LCP1: variants seen among roughly 807,000 people sequenced by gnomAD.
LCP1 encodes plastin-2.
In LCP1, 23 loss-of-function variants were observed where a neutral mutation model predicts 72.0. The observed-to-expected ratio is 0.32, with a 90% CI of 0.23 to 0.45. The LOEUF is 0.45. LCP1 is among the 20% of genes least tolerant of loss of function. The pLI is 1.00. For synonymous variants in LCP1, 245 were observed against 275.4 expected, an observed-to-expected ratio of 0.89 and a Z score of 1.09; for missense variants, 571 against 748.3, an observed-to-expected ratio of 0.76 and a Z score of 2.76.
At chr13:46,161,127 G>C (rs1390371168) in intron 1 of LCP1, among the ~76,000 whole-genome samples, 3 of 151,988 alleles carry the variant, frequency 2.0e-5, no homozygotes, top group African/African-American at 7.3e-5. Context: ...GTTCCACCAA[G>C]CAACCCTTTG....
rs1347541881 is a variant in LCP1, at chr13:46,139,515, T to C, written c.1502+2777A>G. 2.6e-5 allele frequency among the ~76,000 whole-genome samples: 4 copies of C among 152,332 alleles called. No homozygotes were observed. In the South Asian group the frequency reaches 6.2e-4, roughly 24 times the overall value. On this transcript the variant is annotated intron_variant, in intron 13 of 15. Coordinates refer to ENST00000323076, the MANE Select transcript of LCP1 (RefSeq NM_002298.5). ...TTTGCCATTATCTTTCCAGACAGAA[T>C]GTAATGTGACATGCAGTTTCTGGGG... is the stretch of plus-strand genomic sequence containing the variant.
intron 1 of LCP1, among the ~76,000 whole-genome samples, chr13:46,177,776 C>G (rs907101780): frequency 2.0e-5 from 3 of 152,044 alleles, no homozygotes; most frequent in Non-Finnish European, 4.4e-5. Context: ...TTTTGTGACC[C>G]ATGCAGAGGC....
chr13:46,181,923 A>T (rs2138295361), intron 1 of LCP1, among the ~76,000 whole-genome samples, 188 bp downstream of exon 1: 1 of 152,322 alleles, frequency 6.6e-6, no homozygotes, highest in African/African-American at 2.4e-5. Context: ...GAGGTGCTCC[A>T]TCTTGGATGG....
chr13:46,141,199 A>G (rs922228353), intron 13 of LCP1, among the ~76,000 whole-genome samples: 2 of 151,952 alleles, frequency 1.3e-5, no homozygotes, highest in South Asian at 4.2e-4. Flanking sequence ...TTAGGTCAGG[A>G]GTTTGAGACC....
At chr13:46,165,871 T>A (rs561833434) in intron 1 of LCP1, among the ~76,000 whole-genome samples, 2 of 152,194 alleles carry the variant, frequency 1.3e-5, no homozygotes, top group African/African-American at 4.8e-5. Context: ...TTAAATTTAT[T>A]AAATCAATAG....
intron 8 of LCP1, chr13:46,148,893 A>G (rs754765789): frequency 2.3e-5 from 9 of 385,762 alleles, no homozygotes; most frequent in Non-Finnish European, 3.2e-5. Context: ...GACAATCAGC[A>G]AGAGAAAAAG....
At chr13:46,170,203 A>G (rs1412616135) in intron 1 of LCP1, among the ~76,000 whole-genome samples, 1 of 152,262 alleles carries the variant, frequency 6.6e-6, no homozygotes, top group African/African-American at 2.4e-5. Context: ...TGAAAGGTAC[A>G]GACACCCAAA....
In LCP1 at chr13:46,143,378, A is replaced by G. The variant is rs1566436626; in HGVS notation, c.1280T>C (p.Phe427Ser). The change falls in exon 12 of 16, where the codon TTC becomes TCC. Residue 427 changes from phenylalanine to serine, a missense_variant. Coordinates refer to ENST00000323076, the MANE Select transcript of LCP1 (RefSeq NM_002298.5). ...YSDLSDALVIFQLYEKIKVPV... is the reference protein window; with the variant it reads ...YSDLSDALVISQLYEKIKVPV... ...AACTTTGATCTTTTCATAGAGCTGG[A>G]AGATGACCAGGGCATCTGATAAGTC... The G allele has an allele frequency of 6.2e-7, 1 of 1,613,952 alleles. No homozygotes were observed. The highest frequency in any genetic ancestry group is 1.3e-5 in the African/African-American group (1 of 75,064).
rs1286752389 is a variant in LCP1, at chr13:46,156,574, C to A, written c.359-4G>T. 1 of 1,614,068 alleles carries A rather than the reference C, an allele frequency of 6.2e-7. No homozygotes were observed. The highest frequency in any genetic ancestry group is 1.1e-5 in the South Asian group (1 of 91,064). ...ACAAAGGCATACTTTTCTTCCTCTG[C>A]AAGTAAATGATTAAAGTGACTCATT... On this transcript the variant is annotated splice_region_variant and splice_polypyrimidine_tract_variant and intron_variant, in intron 4 of 15. Transcript: ENST00000323076.
At position 46,159,689 on chromosome 13, in the gene LCP1, G is replaced by GAAA; in HGVS notation, c.-24-4_-24-3insTTT. The GAAA allele has an allele frequency of 6.3e-7, 1 of 1,576,548 alleles. No homozygotes were observed. Among genetic ancestry groups the GAAA allele is most frequent in the Non-Finnish European group, 8.7e-7 (1 of 1,146,394 alleles). On this transcript the variant is annotated splice_polypyrimidine_tract_variant and splice_region_variant and intron_variant, in intron 1 of 15. Transcript: ENST00000323076. ...TTTTATTGCTTTAGGTAACAGATCT[G>GAAA]GAGAGAAGAAGAACATAAGGGATAA...
At chr13:46,175,083 A>G (rs1271908922) in intron 1 of LCP1, among the ~76,000 whole-genome samples, 1 of 152,184 alleles carries the variant, frequency 6.6e-6, no homozygotes, top group Non-Finnish European at 1.5e-5. Flanking sequence ...CAGACAAGTC[A>G]CTTAACCCTC....
At chr13:46,171,715 T>G (rs1468547491) in intron 1 of LCP1, among the ~76,000 whole-genome samples, 1 of 152,210 alleles carries the variant, frequency 6.6e-6, no homozygotes, top group African/African-American at 2.4e-5. Context: ...AATGCAAGAC[T>G]ACACTAATAT....
chr13:46,156,337 C>T, intron 5 of LCP1, 101 bp downstream of exon 5: 1 of 1,398,902 alleles, frequency 7.1e-7, no homozygotes, highest in Admixed American at 1.8e-5. Context: ...CTAGGTGCAG[C>T]TGAGCACCAA....
In LCP1 at chr13:46,134,978, G is replaced by A. The variant is rs1348686631; in HGVS notation, c.1503-728C>T. Among the ~76,000 whole-genome samples the A allele has an allele frequency of 1.3e-4, 20 of 151,976 alleles. 1 individual carries two copies. In the South Asian group the frequency reaches 2.3e-3, roughly 17 times the overall value. The stretch of plus-strand genomic sequence containing the variant: ...CAAAAAATTAGCTGGACATGGCAGC[G>A]CTTGTCTGTAGTCCCAGCTACTAGG... On this transcript the variant is annotated intron_variant, in intron 13 of 15. Coordinates refer to ENST00000323076, the MANE Select transcript of LCP1 (RefSeq NM_002298.5).
intron 4 of LCP1, among the ~76,000 whole-genome samples, chr13:46,157,169 A>G (rs1455421294): frequency 6.6e-6 from 1 of 151,502 alleles, no homozygotes; most frequent in African/African-American, 2.4e-5. Context: ...ATATATATTT[A>G]CATTTAGAAG....
intron 1 of LCP1, among the ~76,000 whole-genome samples, chr13:46,181,739 G>A (rs759805420): frequency 1.5e-4 from 23 of 152,080 alleles, no homozygotes; most frequent in Non-Finnish European, 2.9e-4. Flanking sequence ...TTATCAATAC[G>A]CGCTTTTCCT....
chr13:46,158,090 A>G (rs1381788259), intron 4 of LCP1, among the ~76,000 whole-genome samples: 1 of 152,196 alleles, frequency 6.6e-6, no homozygotes, highest in Non-Finnish European at 1.5e-5. Context: ...ATGTTGCAAC[A>G]ACTATACTGT....
At chr13:46,155,255 C>T (rs2045793349) in intron 5 of LCP1, among the ~76,000 whole-genome samples, 1 of 152,156 alleles carries the variant, frequency 6.6e-6, no homozygotes, top group African/African-American at 2.4e-5. Flanking sequence ...ATATAAAAGA[C>T]TGTCTACAAA....
intron 14 of LCP1, among the ~76,000 whole-genome samples, chr13:46,132,791 CAGGTGG>C (rs1167245842): frequency 1.3e-5 from 2 of 151,892 alleles, no homozygotes; most frequent in Non-Finnish European, 2.9e-5. Flanking sequence ...GAGCTCACAG[CAGGTGG>C]ACACTCCTGC....
Sources: allele counts gnomAD v4.1 joint callset (sites outside exome capture counted in the v4.1 genomes callset), GRCh38; gene constraint gnomAD v4.1.1; transcripts MANE v1.5; gene names NCBI Gene and HGNC (gene_info 2026-07-23, HGNC 2026-07-21).